AP1B1: variants seen among roughly 807,000 people sequenced by gnomAD.
AP1B1 encodes the protein AP-1 complex subunit beta-1.
Under a neutral mutation model 104.3 loss-of-function variants are expected in AP1B1, and 36 were observed. That is an observed-to-expected ratio of 0.35 (90% CI 0.26 to 0.46). The LOEUF (loss-of-function observed/expected upper bound fraction) is 0.46, where lower values mean the gene tolerates loss of function less well. AP1B1 is among the 20% of genes least tolerant of loss of function. AP1B1 has a pLI of 1.00. For missense variants in AP1B1, 901 were observed against 1,247.9 expected, an observed-to-expected ratio of 0.72 and a Z score of 4.19; for synonymous variants, 504 against 517.5, an observed-to-expected ratio of 0.97 and a Z score of 0.35.
chr22:29,365,837 C>T (rs945796457), intron 2 of AP1B1, among the ~76,000 whole-genome samples: 1 of 151,614 alleles, frequency 6.6e-6, no homozygotes, highest in African/African-American at 2.4e-5. Context: ...CCAGCTCCAC[C>T]CAGAGCTCTC....
At chr22:29,334,159 C>T in intron 17 of AP1B1, 106 bp downstream of exon 17, 1 of 1,045,258 alleles carries the variant, frequency 9.6e-7, no homozygotes, top group East Asian at 2.8e-5. Flanking sequence ...GCACTGCCCT[C>T]CCCTCTACAG....
At chr22:29,359,070 C>T (rs369312339) in intron 4 of AP1B1, 99 bp from the exon 5 acceptor site, 25 of 1,234,580 alleles carry the variant, frequency 2.0e-5, no homozygotes, top group African/African-American at 1.8e-4. Flanking sequence ...CTAGGCTGAG[C>T]GACATCAGAT....
At chr22:29,353,784 C>T (rs1324694284) in intron 7 of AP1B1, among the ~76,000 whole-genome samples, 3 of 152,146 alleles carry the variant, frequency 2.0e-5, no homozygotes, top group South Asian at 2.1e-4. Context: ...CTGTAACATA[C>T]GAATGATCAA....
intron 1 of AP1B1, among the ~76,000 whole-genome samples, chr22:29,369,929 G>A (rs1158159922): frequency 6.7e-6 from 1 of 149,478 alleles, no homozygotes; most frequent in Non-Finnish European, 1.5e-5. Context: ...CTCTGAAAAT[G>A]GGCAGGTAAA....
intron 2 of AP1B1, among the ~76,000 whole-genome samples, chr22:29,365,633 A>C (rs1028886258): frequency 1.3e-5 from 2 of 152,042 alleles, no homozygotes; most frequent in African/African-American, 4.8e-5. Flanking sequence ...TTAGTTGCCC[A>C]GGCTAGACTC....
rs377009125 is a variant in AP1B1 at position 29,331,570 on chromosome 22, T to G, written c.2440-37A>C. On this transcript the variant is annotated intron_variant, in intron 18 of 22. Transcript: ENST00000357586. ...GGGGTCCCCAGTCAGTCTCTGGGGC[T>G]TGACGCCACCTCTGAGGCCCCAGGA... The G allele has an allele frequency of 3.1e-6, 5 of 1,609,906 alleles. No homozygotes were observed. The African/African-American group carries it at 6.7e-5, about 22-fold the overall frequency.
chr22:29,375,836 G>T (rs923766351), intron 1 of AP1B1, among the ~76,000 whole-genome samples: 10 of 152,172 alleles, frequency 6.6e-5, no homozygotes, highest in African/African-American at 2.4e-4. Flanking sequence ...GAACTGTTCT[G>T]GTGGAAAGAA....
chr22:29,343,736 T>G (rs1173217080), intron 11 of AP1B1, among the ~76,000 whole-genome samples: 1 of 152,246 alleles, frequency 6.6e-6, no homozygotes, highest in African/African-American at 2.4e-5. Context: ...GCAAGTCATT[T>G]AGCTTCTCTG....
At position 29,340,731 on chromosome 22, in the gene AP1B1, C is replaced by T. The variant is rs1377226714; in HGVS notation, c.1923G>A (p.Val641=). The change falls in exon 14 of 23, where the codon GTG becomes GTA. Residue 641 remains valine, a synonymous_variant. Transcript: ENST00000357586. ...AGGAGGTGGCCAGGGGTGGGCCGCT[C>T]ACTGGGGGGCCGAGGTCCAGGTTGA... ...DLLNLDLGPP[V]SGPPLATSSV... is the part of the protein sequence containing the mutation. The T allele has an allele frequency of 1.3e-6, 2 of 1,594,594 alleles. No homozygotes were observed. Among genetic ancestry groups the T allele is most frequent in the African/African-American group, 1.3e-5 (1 of 74,906 alleles).
chr22:29,368,603 A>G (rs1455293057), intron 1 of AP1B1, among the ~76,000 whole-genome samples: 1 of 152,234 alleles, frequency 6.6e-6, no homozygotes, highest in East Asian at 1.9e-4. Flanking sequence ...GCGATGTTAC[A>G]TGACGTGCCC....
At chr22:29,334,664 G>A (rs1024141709) in intron 16 of AP1B1, among the ~76,000 whole-genome samples, 1 of 152,234 alleles carries the variant, frequency 6.6e-6, no homozygotes, top group African/African-American at 2.4e-5. Context: ...AGCGCTCCAG[G>A]GCTGACGTTG....
rs1322502108 is a variant in AP1B1, at chr22:29,349,322, G to A, written c.1333C>T (p.Arg445Trp). 1.7e-5 allele frequency: 28 copies of A among 1,614,072 alleles called. No individual in the cohort carries two copies. The highest frequency in any genetic ancestry group is 2.3e-5 in the Non-Finnish European group (27 of 1,180,034). Residue 445 changes from arginine to tryptophan, a missense_variant, in exon 11 of 23, where the codon CGG becomes TGG. Arg to Trp is a moderately radical substitution (Grantham distance 101). Around this residue, in one of 3 missense-constraint regions of AP1B1, gnomAD observed 471 missense variants for 696.7 expected, o/e 0.68. Coordinates refer to ENST00000357586, the MANE Select transcript of AP1B1 (RefSeq NM_001127.4). Reference sequence around the variant, plus strand: ...CCCACAATCCAGATCATGGCAGCCCGGGCCTCAGGCTCATCCAGGGAGTCC... The same window carrying A: ...CCCACAATCCAGATCATGGCAGCCCAGGCCTCAGGCTCATCCAGGGAGTCC... ...NLDSLDEPEA[R>W]AAMIWIVGEY...
At chr22:29,343,747 A>G (rs1007943121) in intron 11 of AP1B1, among the ~76,000 whole-genome samples, 1 of 152,222 alleles carries the variant, frequency 6.6e-6, no homozygotes, top group Non-Finnish European at 1.5e-5. Context: ...AGCTTCTCTG[A>G]GTCAGTTTCC....
At chr22:29,359,707 C>T (rs562369917) in intron 4 of AP1B1, 117 bp downstream of exon 4, 20 of 1,368,118 alleles carry the variant, frequency 1.5e-5, no homozygotes, top group African/African-American at 1.3e-4. Context: ...TGGGCGGGCG[C>T]GGGCAGTCTG....
Position 29,354,737 on chromosome 22 carries a change from A to G in AP1B1, c.851T>C (p.Leu284Pro). 1 of 1,614,074 alleles carries G rather than the reference A, an allele frequency of 6.2e-7. No individual in the cohort carries two copies. ...LDYYGTLLKKLAPPLVTLLSA... is the reference protein window; with the variant it reads ...LDYYGTLLKKPAPPLVTLLSA... ...CAGCAGTGTGACCAGGGGTGGGGCC[A>G]GCTTCTTGAGCAGTGTGCCGTAGTA... The change falls in exon 7 of 23, where the codon CTG becomes CCG. Residue 284 changes from leucine to proline, a missense_variant. Coordinates refer to ENST00000357586, the MANE Select transcript of AP1B1 (RefSeq NM_001127.4).
rs370190636 is a variant in AP1B1, at chr22:29,330,489, G to A, written c.2655C>T (p.Val885=). Residue 885 remains valine (V), a synonymous_variant, in exon 21 of 23, where the codon GTC becomes GTT. Coordinates refer to ENST00000357586, the MANE Select transcript of AP1B1 (RefSeq NM_001127.4). The stretch of plus-strand genomic sequence containing the variant: ...CCTGGCCCTCCACGTTCCTCTTGGC[G>A]ACAGTGAAGATGTTGCTGCTCTGCA... ...SKLQSSNIFT[V]AKRNVEGQDM... 54 of 1,613,098 alleles carry A rather than the reference G, an allele frequency of 3.3e-5. No individual in the cohort carries two copies. The highest frequency in any genetic ancestry group is 9.3e-5 in the African/African-American group (7 of 74,948).
chr22:29,348,677 G>C (rs1478244369), intron 11 of AP1B1, among the ~76,000 whole-genome samples: 1 of 152,226 alleles, frequency 6.6e-6, no homozygotes, highest in African/African-American at 2.4e-5. Context: ...TTCAGTACTT[G>C]CTAATTCAGT....
chr22:29,353,808 C>T (rs950364701), intron 7 of AP1B1, among the ~76,000 whole-genome samples: 2 of 152,166 alleles, frequency 1.3e-5, no homozygotes, highest in Non-Finnish European at 2.9e-5. Context: ...TTGCTACTGT[C>T]AAGTCCCCAC....
At chr22:29,329,182 G>A (rs2061519844) in intron 22 of AP1B1, 1 of 1,260,138 alleles carries the variant, frequency 7.9e-7, no homozygotes, top group Non-Finnish European at 1.0e-6. Context: ...GCCAGGGAGT[G>A]CCCGGCCCCC....
Sources: allele counts gnomAD v4.1 joint callset (sites outside exome capture counted in the v4.1 genomes callset), GRCh38; gene constraint gnomAD v4.1.1; regional missense constraint gnomAD v4.1.1; transcripts MANE v1.5; gene names NCBI Gene and HGNC (gene_info 2026-07-23, HGNC 2026-07-21).